The following AKT2 variants were observed in gnomAD, a reference collection of about 807,000 sequenced individuals.
The protein encoded by AKT2 is AKT serine/threonine kinase 2, also known as RAC-beta serine/threonine-protein kinase.
AKT2 carries 16 observed loss-of-function variants against 58.6 expected under a neutral mutation model. That is an observed-to-expected ratio of 0.27 (90% CI 0.18 to 0.41). The LOEUF is 0.41. Among genes scored for constraint, AKT2 ranks in the 10% least tolerant of loss-of-function variants. The probability of loss-of-function intolerance (pLI) is 1.00; values close to 1 mark genes in which losing one functional copy is unlikely to be tolerated. For missense variants in AKT2, 438 were observed against 661.0 expected (o/e 0.66, Z 3.70); for synonymous variants, 253 against 254.0 (o/e 1.00, Z 0.04).
chr19:40,237,888 A>ACCACCCTGG lies in AKT2; in HGVS notation c.831+80_831+81insCCAGGGTGG. ...TGGGGAGCCTGGCGAATGAGGGCAG[A>ACCACCCTGG]AGCTCAGCCCAACTTCCCCAGTGTG... On this transcript the variant is annotated intron_variant, in intron 9 of 13. Transcript: ENST00000392038. This position sits in a 1 kb window ranked among gnomAD's most constrained non-coding sequence, Gnocchi z 4.5. 6.3e-7 allele frequency: 1 copy of ACCACCCTGG among 1,586,338 alleles called. No individual in the cohort carries two copies. The highest frequency in any genetic ancestry group is 1.4e-5 in the African/African-American group (1 of 73,342).
intron 2 of AKT2, among the ~76,000 whole-genome samples, chr19:40,258,406 C>G (rs994535527): frequency 6.6e-6 from 1 of 151,444 alleles, no homozygotes; most frequent in East Asian, 1.9e-4. Context: ...ACAGTGGCTC[C>G]CACCTGTAAA....
At chr19:40,258,167 C>T (rs1007288719) in intron 2 of AKT2, among the ~76,000 whole-genome samples, 2 of 146,208 alleles carry the variant, frequency 1.4e-5, no homozygotes, top group African/African-American at 5.2e-5. Context: ...CTCCTTGAAC[C>T]TGGGAGGCAG....
chr19:40,271,402 G>A (rs1377774201), intron 1 of AKT2, among the ~76,000 whole-genome samples: 1 of 146,806 alleles, frequency 6.8e-6, no homozygotes, highest in Non-Finnish European at 1.5e-5. Context: ...ACTCCAGCCT[G>A]GGTGACAAAG....
chr19:40,234,844 G>T lies in AKT2; in HGVS notation c.1366+201C>A, dbSNP rs913172348. ...GAGCCCCCCGACTGAGCTCCAGAACGTGCTGCAGTCAATGGCTCCTGGTGG... is the reference window on the plus strand; with the variant it reads ...GAGCCCCCCGACTGAGCTCCAGAACTTGCTGCAGTCAATGGCTCCTGGTGG... On this transcript the variant is annotated intron_variant, in intron 13 of 13. Coordinates refer to ENST00000392038, the MANE Select transcript of AKT2 (RefSeq NM_001626.6). The surrounding 1 kb of genome is among the most constrained non-coding windows in gnomAD (Gnocchi z 4.7). 1 of 670,084 alleles carries T rather than the reference G, an allele frequency of 1.5e-6. No homozygotes were observed. Among genetic ancestry groups the T allele is most frequent in the East Asian group, 2.7e-5 (1 of 36,984 alleles). 41.5% of individuals were successfully genotyped at this position (670,084 alleles called of 1,614,324 possible). A position where few individuals can be genotyped will look rare whatever the true frequency, so the allele number is the denominator to read the frequency against.
Position 40,233,764 on chromosome 19 carries a change from G to A in AKT2, c.*108C>T. 1 of 1,030,236 alleles carries A rather than the reference G, an allele frequency of 9.7e-7. No homozygotes were observed. The highest frequency in any genetic ancestry group is 1.5e-6 in the Non-Finnish European group (1 of 682,668). The allele number at this position is 1,030,236 out of a possible 1,614,324, so 63.8% of individuals were successfully genotyped here. A position where few individuals can be genotyped will look rare whatever the true frequency, so the allele number is the denominator to read the frequency against. ...GAAGAAGAACTGGAAAGGGGGTGAGGAGGTGGGGGTGGGGACACAAACCAA... is the reference window on the plus strand; with the variant it reads ...GAAGAAGAACTGGAAAGGGGGTGAGAAGGTGGGGGTGGGGACACAAACCAA... On this transcript the variant is annotated 3_prime_UTR_variant, in exon 14 of 14. Coordinates refer to ENST00000392038, the MANE Select transcript of AKT2 (RefSeq NM_001626.6). The surrounding 1 kb of genome is among the most constrained non-coding windows in gnomAD (Gnocchi z 4.3).
intron 2 of AKT2, among the ~76,000 whole-genome samples, chr19:40,261,481 C>T (rs1975944589): frequency 2.0e-5 from 3 of 150,342 alleles, no homozygotes; most frequent in South Asian, 2.1e-4. Flanking sequence ...TGCAGTGAGC[C>T]GAGATCGCGC....
rs553457773 is a variant in AKT2 at position 40,259,092 on chromosome 19, A to C, written c.47-2038T>G. ...GAAGAGAATTCAGAGCCAAAAAATAAACCCAAATATCTACATTCAACTGAT... is the reference window on the plus strand; with the variant it reads ...GAAGAGAATTCAGAGCCAAAAAATACACCCAAATATCTACATTCAACTGAT... On this transcript the variant is annotated intron_variant, in intron 2 of 13. Coordinates refer to ENST00000392038, the MANE Select transcript of AKT2 (RefSeq NM_001626.6). Among the ~76,000 whole-genome samples, 41 of 152,366 alleles carry C rather than the reference A, an allele frequency of 2.7e-4. 1 individual carries two copies. The highest frequency in any genetic ancestry group is 4.3e-4 in the Non-Finnish European group (29 of 68,034).
intron 2 of AKT2, among the ~76,000 whole-genome samples, chr19:40,257,573 C>G (rs1199230263): frequency 7.6e-6 from 1 of 131,874 alleles, no homozygotes; most frequent in African/African-American, 3.1e-5. Context: ...TATCCAAGCA[C>G]CCTATGCACA....
At chr19:40,282,587 T>C (rs746775867) in intron 1 of AKT2, 40 of 530,320 alleles carry the variant, frequency 7.5e-5, no homozygotes, top group South Asian at 5.7e-4. Context: ...CCTCTATAGG[T>C]AGAGGACAGA....
chr19:40,249,886 G>C (rs1196772943), intron 4 of AKT2, among the ~76,000 whole-genome samples: 2 of 152,236 alleles, frequency 1.3e-5, no homozygotes, highest in Admixed American at 1.3e-4. Context: ...ACAGCGAAGG[G>C]AGGCAGGGCA....
At chr19:40,241,767 G>T in intron 6 of AKT2, 171 bp downstream of exon 6, 2 of 999,302 alleles carry the variant, frequency 2.0e-6, no homozygotes, top group Non-Finnish European at 3.0e-6. Flanking sequence ...CAGCAGCAAG[G>T]CCTGCTGCTC....
chr19:40,242,910 A>G lies in AKT2; in HGVS notation c.288-223T>C. Reference sequence around the variant, plus strand: ...ATGCCTATAATCCCAGCACTTTGGGAGGCTGAGGCGGATGGATCACAAGGT... The same window carrying G: ...ATGCCTATAATCCCAGCACTTTGGGGGGCTGAGGCGGATGGATCACAAGGT... On this transcript the variant is annotated intron_variant, in intron 4 of 13. Coordinates refer to ENST00000392038, the MANE Select transcript of AKT2 (RefSeq NM_001626.6). The surrounding 1 kb of genome is among the most constrained non-coding windows in gnomAD (Gnocchi z 4.3). The G allele has an allele frequency of 1.8e-6, 1 of 544,162 alleles. No individual in the cohort carries two copies. Among genetic ancestry groups the G allele is most frequent in the Non-Finnish European group, 3.3e-6 (1 of 300,024 alleles). The allele number at this position is 544,162 out of a possible 1,614,324, so 33.7% of individuals were successfully genotyped here.
rs1599934779 is a variant in AKT2 at position 40,231,145 on chromosome 19, C to T, written c.*2727G>A. 1 of 231,324 alleles carries T rather than the reference C, an allele frequency of 4.3e-6. No homozygotes were observed. The highest frequency in any genetic ancestry group is 8.6e-6 in the Non-Finnish European group (1 of 116,886). The allele number at this position is 231,324 out of a possible 1,614,324, so 14.3% of individuals were successfully genotyped here. On this transcript the variant is annotated 3_prime_UTR_variant, in exon 14 of 14. Transcript: ENST00000392038. Reference sequence around the variant, plus strand: ...TAAGACTCTAAGTTCAAACACCCTTCTTGGGAAAAGCTCTACAGGATAACC... The same window carrying T: ...TAAGACTCTAAGTTCAAACACCCTTTTTGGGAAAAGCTCTACAGGATAACC...
intron 4 of AKT2, among the ~76,000 whole-genome samples, chr19:40,247,616 T>G (rs1974836397): frequency 6.6e-6 from 1 of 151,980 alleles, no homozygotes; most frequent in South Asian, 2.1e-4. Flanking sequence ...AAGGAAGAAC[T>G]CTCCTCGTAA....
At position 40,285,162 on chromosome 19, in the gene AKT2, C is replaced by A; in HGVS notation, c.-85+19G>T. 2.5e-6 allele frequency: 1 copy of A among 393,704 alleles called. No homozygotes were observed. The allele number at this position is 393,704 out of a possible 1,614,324, so 24.4% of individuals were successfully genotyped here. On this transcript the variant is annotated intron_variant, in intron 1 of 13. Coordinates refer to ENST00000392038, the MANE Select transcript of AKT2 (RefSeq NM_001626.6). ...CCATCGTGGGGGGGGCGTTCGGGGA[C>A]ACGCGCTGGCGCACTCACCTGTCAC...
At chr19:40,248,217 C>A (rs1460223332) in intron 4 of AKT2, among the ~76,000 whole-genome samples, 3 of 152,136 alleles carry the variant, frequency 2.0e-5, no homozygotes, top group Admixed American at 6.6e-5. Flanking sequence ...ACTAGAGGGT[C>A]CTATCAGGGT....
chr19:40,275,764 T>TGGGGGGGG (rs1004974778), intron 1 of AKT2, among the ~76,000 whole-genome samples: 4 of 4,736 alleles, frequency 8.4e-4, no homozygotes, highest in Non-Finnish European at 4.8e-4. Flanking sequence ...TTTGGGAGGC[T>TGGGGGGGG]GGGGGGGGGG....
rs1363369708 is a variant in AKT2 at position 40,230,910 on chromosome 19, T to C, written c.*2962A>G. 5.3e-6 allele frequency: 1 copy of C among 187,124 alleles called. No individual in the cohort carries two copies. Among genetic ancestry groups the C allele is most frequent in the Non-Finnish European group, 1.1e-5 (1 of 88,846 alleles). The allele number at this position is 187,124 out of a possible 1,614,324, so 11.6% of individuals were successfully genotyped here. ...CTAATTTTTGTATTTTTTGTAGAGATGAAGGTCTCCCTATGATGCCCAGGC... is the reference window on the plus strand; with the variant it reads ...CTAATTTTTGTATTTTTTGTAGAGACGAAGGTCTCCCTATGATGCCCAGGC... On this transcript the variant is annotated 3_prime_UTR_variant, in exon 14 of 14. Transcript: ENST00000392038.
chr19:40,284,248 T>C (rs1045874749), intron 1 of AKT2, among the ~76,000 whole-genome samples: 1 of 152,054 alleles, frequency 6.6e-6, no homozygotes, highest in African/African-American at 2.4e-5. Context: ...TCCTCCCAAG[T>C]TTTAACAAGC....
Sources: gnomAD v4.1 joint callset for allele counts (sites outside exome capture counted in the v4.1 genomes callset) on GRCh38, gnomAD v4.1.1 for gene constraint, Gnocchi (gnomAD v3.1) non-coding constraint, MANE v1.5 for transcripts, NCBI Gene and HGNC (gene_info 2026-07-23, HGNC 2026-07-21) for gene names.